AMOT: variants seen among roughly 807,000 people sequenced by gnomAD.
AMOT encodes angiomotin.
A neutral mutation model predicts 67.0 loss-of-function variants in AMOT; 11 were observed. That is an observed-to-expected ratio of 0.16 (90% confidence interval 0.10 to 0.27). The LOEUF (loss-of-function observed/expected upper bound fraction) is 0.27, where lower values mean the gene tolerates loss of function less well. Ranked by LOEUF, AMOT falls within the 10% of genes least tolerant of loss-of-function variation. AMOT has a pLI of 1.00. For missense variants in AMOT, 753 were observed against 852.0 expected (o/e 0.88, Z 1.45); for synonymous variants, 326 against 321.4 (o/e 1.01, Z -0.15).
At chrX:112,827,730 T>C (rs1934880651) in intron 2 of AMOT, among the ~76,000 whole-genome samples, 1 of 111,847 alleles carries the variant, frequency 8.9e-6, no homozygotes, top group African/African-American at 3.2e-5. Context: ...CCAAAACACA[T>C]TAATGTTTCC....
intron 2 of AMOT, among the ~76,000 whole-genome samples, chrX:112,828,294 T>C (rs1934893971): frequency 9.3e-6 from 1 of 107,152 alleles, no homozygotes; most frequent in Middle Eastern, 4.6e-3. Flanking sequence ...AAATCCTGGA[T>C]GTATGGCTTA....
intron 5 of AMOT, among the ~76,000 whole-genome samples, chrX:112,812,986 G>C (rs1440907316): frequency 8.9e-6 from 1 of 112,859 alleles, no homozygotes; most frequent in Non-Finnish European, 1.9e-5. Flanking sequence ...TTAGAGACAA[G>C]ATCTGCAAGG....
intron 5 of AMOT, 34 bp from the exon 6 acceptor site, chrX:112,811,427 T>C: frequency 8.4e-7 from 1 of 1,186,400 alleles, no homozygotes; most frequent in Non-Finnish European, 1.1e-6. Flanking sequence ...GTGGTGATGG[T>C]AGGAGGGTGA....
intron 10 of AMOT, among the ~76,000 whole-genome samples, chrX:112,783,181 G>A (rs970614408): frequency 1.0e-4 from 11 of 108,738 alleles, no homozygotes; most frequent in African/African-American, 2.7e-4. Context: ...TGTAATCCCC[G>A]CTATCTGGGA....
Position 112,815,516 on chromosome X carries a change from G to A in AMOT, c.1234C>T (p.Arg412Trp), listed in dbSNP as rs763677722. Residue 412 changes from arginine (R) to tryptophan (W), a missense_variant, in exon 5 of 14, where the codon CGG becomes TGG. By Grantham distance (101) the Arg-to-Trp change is moderately radical. Around this residue, in one of 5 missense-constraint regions of AMOT, gnomAD observed 297 missense variants for 284.3 expected, o/e 1.04. Coordinates refer to ENST00000371959, the MANE Select transcript of AMOT (RefSeq NM_001113490.2). ...TAAGAAGCAGAGGATGGCTGAGCCC[G>A]AGGCATAGCTGAATAGGCTTCTCCT... is the stretch of plus-strand genomic sequence containing the variant. ...QPGEAYSAMP[R>W]AQPSSASYQP... 15 of 1,209,605 alleles carry A rather than the reference G, an allele frequency of 1.2e-5. No homozygotes were observed. The East Asian group carries it at 1.5e-4, about 12-fold the overall frequency.
intron 6 of AMOT, among the ~76,000 whole-genome samples, chrX:112,810,536 C>T (rs1934327454): frequency 9.0e-6 from 1 of 110,528 alleles, no homozygotes. Flanking sequence ...TGGCAAAACC[C>T]CATCTCTACA....
intron 8 of AMOT, among the ~76,000 whole-genome samples, chrX:112,792,986 C>T (rs1346370545): frequency 1.8e-5 from 2 of 109,036 alleles, no homozygotes; most frequent in African/African-American, 3.4e-5. Flanking sequence ...ATATCTTCTT[C>T]TTTAAAGAAG....
intron 1 of AMOT, among the ~76,000 whole-genome samples, 174 bp from the exon 2 acceptor site, chrX:112,832,544 T>C (rs1014476943): frequency 8.9e-6 from 1 of 112,105 alleles, no homozygotes; most frequent in African/African-American, 3.2e-5. Flanking sequence ...TGCTTGGTTC[T>C]AAGACATAAC....
intron 8 of AMOT, among the ~76,000 whole-genome samples, chrX:112,795,238 GTCTCTC>G (rs1200497149): frequency 1.1e-5 from 1 of 93,805 alleles, no homozygotes; most frequent in East Asian, 3.2e-4. Flanking sequence ...CTCTTTCTCT[GTCTCTC>G]TCTCTGTGTG....
At position 112,787,869 on chromosome X, in the gene AMOT, G is replaced by A. The variant is rs911084386; in HGVS notation, c.2117+2723C>T. Among the ~76,000 whole-genome samples, 9 of 111,979 alleles carry A rather than the reference G, an allele frequency of 8.0e-5. No individual in the cohort carries two copies. The East Asian group carries it at 1.1e-3, about 14-fold the overall frequency. ...GATATAATTTATACATTTAGAAATT[G>A]TTTCCTTCTTGCTTTCACATCTTCC... On this transcript the variant is annotated intron_variant, in intron 10 of 13. Coordinates refer to ENST00000371959, the MANE Select transcript of AMOT (RefSeq NM_001113490.2).
At chrX:112,801,261 G>A (rs770701108) in intron 8 of AMOT, among the ~76,000 whole-genome samples, 1 of 111,148 alleles carries the variant, frequency 9.0e-6, no homozygotes, top group South Asian at 3.9e-4. Flanking sequence ...AGAATACCGT[G>A]GTTGCTGTAG....
At chrX:112,818,133 T>C (rs1248397010) in intron 4 of AMOT, among the ~76,000 whole-genome samples, 3 of 111,468 alleles carry the variant, frequency 2.7e-5, no homozygotes, top group Non-Finnish European at 5.6e-5. Flanking sequence ...CCTTCATTTT[T>C]GTTCCCAGGA....
chrX:112,817,754 A>C (rs1934606873), intron 4 of AMOT, among the ~76,000 whole-genome samples: 1 of 112,214 alleles, frequency 8.9e-6, no homozygotes, highest in South Asian at 3.7e-4. Context: ...TTGGGCAAAG[A>C]AGAATTGACA....
At position 112,802,014 on chromosome X, in the gene AMOT, A is replaced by T. The variant is rs6643093; in HGVS notation, c.1776+2933T>A. On this transcript the variant is annotated intron_variant, in intron 8 of 13. Transcript: ENST00000371959. ...TAAATTATCTGTTTATATGGGACAC[A>T]GGCAGGTTATCTAACATATCCATGT... is the stretch of plus-strand genomic sequence containing the variant. Among the ~76,000 whole-genome samples the T allele has an allele frequency of 3.2e-3, 365 of 112,333 alleles. 3 individuals are homozygous for T. In the East Asian group the frequency reaches 0.059, roughly 18 times the overall value.
chrX:112,780,160 A>G (rs1023510444), intron 12 of AMOT, among the ~76,000 whole-genome samples: 1 of 112,434 alleles, frequency 8.9e-6, no homozygotes, highest in Non-Finnish European at 1.9e-5. Context: ...TGAGTGTGGT[A>G]ATAATTGTGT....
intron 5 of AMOT, among the ~76,000 whole-genome samples, chrX:112,813,341 A>C (rs924349997): frequency 2.3e-4 from 26 of 111,491 alleles, no homozygotes; most frequent in Admixed American, 1.9e-3. Context: ...GGCAGAGAGG[A>C]GGGTGGCAGT....
intron 6 of AMOT, among the ~76,000 whole-genome samples, chrX:112,810,491 C>A (rs2147808504): frequency 9.0e-6 from 1 of 111,283 alleles, no homozygotes; most frequent in African/African-American, 3.3e-5. Context: ...GGTGGATCAC[C>A]TGAGGTCAGG....
chrX:112,825,725 A>T (rs7064196), intron 2 of AMOT, among the ~76,000 whole-genome samples: 12,598 of 109,785 alleles, frequency 0.11, 745 homozygotes, highest in Admixed American at 0.2. Flanking sequence ...GGTGGAGGGG[A>T]GGGGAAGAAC....
At chrX:112,833,571 C>A (rs1320653054) in intron 1 of AMOT, among the ~76,000 whole-genome samples, 1 of 110,091 alleles carries the variant, frequency 9.1e-6, no homozygotes, top group East Asian at 2.8e-4. Flanking sequence ...CTCTCAGGCA[C>A]ACACACATAG....
Sources: allele counts gnomAD v4.1 joint callset (sites outside exome capture counted in the v4.1 genomes callset), GRCh38; gene constraint gnomAD v4.1.1; regional missense constraint gnomAD v4.1.1; transcripts MANE v1.5; gene names NCBI Gene and HGNC (gene_info 2026-07-23, HGNC 2026-07-21).